The following FHIT variants were observed in gnomAD, a reference collection of about 807,000 sequenced individuals.
FHIT encodes fragile histidine triad diadenosine triphosphatase.
A neutral mutation model predicts 17.9 loss-of-function variants in FHIT; 19 were observed. The observed-to-expected ratio is 1.06, with a 90% CI of 0.74 to 1.56. FHIT has a LOEUF of 1.56. Ranked by LOEUF, FHIT falls within the 40% of genes most tolerant of loss-of-function variation. The probability of loss-of-function intolerance (pLI) is 0.00; values close to 1 mark genes in which losing one functional copy is unlikely to be tolerated. For synonymous variants in FHIT, 81 were observed against 69.7 expected, an observed-to-expected ratio of 1.16 and a Z score of -0.81; for missense variants, 248 against 189.2, an observed-to-expected ratio of 1.31 and a Z score of -1.82.
chr3:59,941,569 G>A (rs1182167107), intron 7 of FHIT, among the ~76,000 whole-genome samples: 2 of 152,090 alleles, frequency 1.3e-5, no homozygotes, highest in Admixed American at 1.3e-4. Context: ...AACCAGAGTT[G>A]GGATGTTTTA....
At chr3:60,707,817 T>C (rs1308050227) in intron 4 of FHIT, among the ~76,000 whole-genome samples, 4 of 152,234 alleles carry the variant, frequency 2.6e-5, no homozygotes, top group Non-Finnish European at 5.9e-5. Flanking sequence ...TAAATTGGAA[T>C]GTCCTTTCTG....
intron 5 of FHIT, among the ~76,000 whole-genome samples, chr3:60,226,775 G>A (rs1172100865): frequency 6.6e-6 from 1 of 152,082 alleles, no homozygotes; most frequent in Non-Finnish European, 1.5e-5. Context: ...ACAGCCCTAT[G>A]GCCTTGAGAA....
intron 8 of FHIT, among the ~76,000 whole-genome samples, chr3:59,780,887 C>A (rs1202306714): frequency 1.3e-5 from 2 of 152,134 alleles, no homozygotes; most frequent in Non-Finnish European, 2.9e-5. Context: ...CTCAAGATGG[C>A]TACAAATTCT....
At chr3:61,004,895 GTAAA>G (rs1048806620) in intron 3 of FHIT, among the ~76,000 whole-genome samples, 2 of 152,110 alleles carry the variant, frequency 1.3e-5, no homozygotes, top group Admixed American at 1.3e-4. Flanking sequence ...AACATAGTAA[GTAAA>G]TGAGAAATGT....
intron 4 of FHIT, among the ~76,000 whole-genome samples, chr3:60,538,089 G>C (rs1247230592): frequency 2.6e-5 from 4 of 152,018 alleles, no homozygotes; most frequent in Non-Finnish European, 5.9e-5. Flanking sequence ...TAAGAGTCTA[G>C]GTAGCTTCAG....
At chr3:60,868,509 T>G (rs1429286206) in intron 3 of FHIT, among the ~76,000 whole-genome samples, 3 of 152,116 alleles carry the variant, frequency 2.0e-5, no homozygotes, top group Non-Finnish European at 2.9e-5. Flanking sequence ...AAACAACCAA[T>G]AAGAATCAGA....
At chr3:59,952,943 A>G (rs1242891995) in intron 7 of FHIT, among the ~76,000 whole-genome samples, 1 of 151,862 alleles carries the variant, frequency 6.6e-6, no homozygotes, top group African/African-American at 2.4e-5. Context: ...ATGGTCCACA[A>G]TCTAAATCTA....
At chr3:60,288,690 T>G (rs373202523) in intron 5 of FHIT, among the ~76,000 whole-genome samples, 2 of 151,866 alleles carry the variant, frequency 1.3e-5, no homozygotes, top group East Asian at 1.9e-4. Context: ...CCAAAAATCA[T>G]ACTTTTAAAA....
At chr3:61,213,936 T>C (rs1028135667) in intron 1 of FHIT, among the ~76,000 whole-genome samples, 1 of 152,030 alleles carries the variant, frequency 6.6e-6, no homozygotes, top group Non-Finnish European at 1.5e-5. Context: ...AAGGCAGAAA[T>C]AAAGATGTTC....
chr3:60,270,461 T>C (rs185686712), intron 5 of FHIT, among the ~76,000 whole-genome samples: 3 of 152,272 alleles, frequency 2.0e-5, no homozygotes, highest in Admixed American at 2.0e-4. Flanking sequence ...TTACCTGCAA[T>C]ATGGGAAGAG....
intron 7 of FHIT, among the ~76,000 whole-genome samples, chr3:59,986,821 T>C (rs111215249): frequency 0.016 from 807 of 51,490 alleles, 63 homozygotes; most frequent in African/African-American, 0.023. Context: ...TATATTAAAA[T>C]ATATACGTAT....
At chr3:61,123,459 C>T (rs2036518938) in intron 2 of FHIT, among the ~76,000 whole-genome samples, 2 of 151,588 alleles carry the variant, frequency 1.3e-5, no homozygotes, top group Admixed American at 6.6e-5. Flanking sequence ...ATGTAACAAA[C>T]CTGCACATTC....
chr3:60,014,522 T>C (rs1156485389), intron 5 of FHIT, among the ~76,000 whole-genome samples: 1 of 152,246 alleles, frequency 6.6e-6, no homozygotes, highest in Non-Finnish European at 1.5e-5. Flanking sequence ...CCAAAGGCAC[T>C]AGGTTGAAAA....
Position 61,047,866 on chromosome 3 carries a change from C to A in FHIT, c.-163-5767G>T, listed in dbSNP as rs563081851. On this transcript the variant is annotated intron_variant, in intron 2 of 9. Transcript: ENST00000492590. ...TCTTTGACAAACATGAAAAAACAAGCAATGGGGAAAGGATTCCCTATTTAA... is the reference window on the plus strand; with the variant it reads ...TCTTTGACAAACATGAAAAAACAAGAAATGGGGAAAGGATTCCCTATTTAA... 1.6e-3 allele frequency among the ~76,000 whole-genome samples: 219 copies of A among 135,228 alleles called. 2 individuals are homozygous for A. Among genetic ancestry groups the A allele is most frequent in the African/African-American group, 5.3e-3 (205 of 38,572 alleles). 88.7% of individuals were successfully genotyped at this position (135,228 alleles called of 152,430 possible).
intron 5 of FHIT, among the ~76,000 whole-genome samples, chr3:60,466,074 T>TA (rs2032774226): frequency 1.3e-5 from 2 of 152,090 alleles, no homozygotes; most frequent in Admixed American, 1.3e-4. Context: ...CATCAATGTT[T>TA]TATAGATTTC....
chr3:61,056,231 G>A (rs2034213404), intron 2 of FHIT, among the ~76,000 whole-genome samples: 1 of 152,116 alleles, frequency 6.6e-6, no homozygotes, highest in African/African-American at 2.4e-5. Flanking sequence ...AGACCTGCCT[G>A]GGCAATATAG....
At chr3:59,952,575 G>A (rs1707173393) in intron 7 of FHIT, among the ~76,000 whole-genome samples, 1 of 152,090 alleles carries the variant, frequency 6.6e-6, no homozygotes, top group Non-Finnish European at 1.5e-5. Context: ...CCACATTCCT[G>A]CTCAACATCT....
At chr3:60,227,615 C>G (rs1704278301) in intron 5 of FHIT, among the ~76,000 whole-genome samples, 1 of 152,166 alleles carries the variant, frequency 6.6e-6, no homozygotes, top group African/African-American at 2.4e-5. Context: ...CTGATTTAAT[C>G]TATACCACAT....
chr3:59,903,347 G>A (rs1366336889), intron 8 of FHIT, among the ~76,000 whole-genome samples: 1 of 152,116 alleles, frequency 6.6e-6, no homozygotes, highest in Non-Finnish European at 1.5e-5. Flanking sequence ...AATTATTCTG[G>A]AATTAGATTG....
Sources: allele counts gnomAD v4.1 joint callset (sites outside exome capture counted in the v4.1 genomes callset), GRCh38; gene constraint gnomAD v4.1.1; transcripts MANE v1.5; gene names NCBI Gene and HGNC (gene_info 2026-07-23, HGNC 2026-07-21).